Variants in MRAS observed in about 807,000 individuals in gnomAD.
The protein encoded by MRAS is ras-related protein M-Ras.
Under a neutral mutation model 20.9 loss-of-function variants are expected in MRAS, and 4 were observed. That is an observed-to-expected ratio of 0.19 (90% CI 0.09 to 0.44). The LOEUF is 0.44. Ranked by LOEUF, MRAS falls within the 20% of genes least tolerant of loss-of-function variation. The pLI, the probability that MRAS is intolerant of heterozygous loss-of-function variation, is 0.99. For missense variants in MRAS, 154 were observed against 277.5 expected, an observed-to-expected ratio of 0.56 and a Z score of 3.16; for synonymous variants, 98 against 102.9, an observed-to-expected ratio of 0.95 and a Z score of 0.29.
At position 138,397,430 on chromosome 3, in the gene MRAS, T is replaced by A. The variant is rs1453377231; in HGVS notation, c.300T>A (p.Phe100Leu). ...IVYSVTDKASFEHVDRFHQLI... is the reference protein window; with the variant it reads ...IVYSVTDKASLEHVDRFHQLI... ...ACTCCGTCACTGACAAGGCCAGCTT[T>A]GAGCACGTGGACCGCTTCCACCAGC... The change falls in exon 3 of 6, where the codon TTT becomes TTA. Residue 100 changes from phenylalanine (F) to leucine (L), a missense_variant. Phe to Leu is a conservative substitution (Grantham distance 22). Transcript: ENST00000423968. 5.6e-6 allele frequency: 9 copies of A among 1,614,028 alleles called. No individual in the cohort carries two copies. Among genetic ancestry groups the A allele is most frequent in the Non-Finnish European group, 6.8e-6 (8 of 1,180,022 alleles).
chr3:138,374,035 C>T (rs1374525299), intron 2 of MRAS, among the ~76,000 whole-genome samples: 11 of 151,904 alleles, frequency 7.2e-5, no homozygotes, highest in African/African-American at 1.7e-4. Context: ...CTCAGCTCAC[C>T]GCAACCTCCG....
At chr3:138,390,600 A>G (rs766880746) in intron 2 of MRAS, among the ~76,000 whole-genome samples, 1 of 151,818 alleles carries the variant, frequency 6.6e-6, no homozygotes, top group Non-Finnish European at 1.5e-5. Context: ...CATTATCTTC[A>G]GCCTCCCCCA....
intron 1 of MRAS, among the ~76,000 whole-genome samples, chr3:138,371,368 A>T (rs2054670647): frequency 6.6e-6 from 1 of 152,208 alleles, no homozygotes; most frequent in Non-Finnish European, 1.5e-5. Flanking sequence ...AGAACTGAAG[A>T]CTATTTTAGA....
chr3:138,385,149 ATTTGTAATTTTTTTTTTTTTTT>A (rs1328088514), intron 2 of MRAS, among the ~76,000 whole-genome samples: 1 of 127,426 alleles, frequency 7.8e-6, no homozygotes, highest in Non-Finnish European at 1.6e-5. Context: ...CGGGGTTTTG[ATTTGTAATTTTTTTTTTTTTTT>A]TTTTTTTTTT....
At chr3:138,371,173 A>C (rs1323833719) in intron 1 of MRAS, among the ~76,000 whole-genome samples, 1 of 152,210 alleles carries the variant, frequency 6.6e-6, no homozygotes, top group East Asian at 1.9e-4. Context: ...GCCTAGGCAG[A>C]TTTGCACTTT....
intron 1 of MRAS, among the ~76,000 whole-genome samples, chr3:138,355,802 G>A (rs1269138988): frequency 1.3e-5 from 2 of 152,184 alleles, no homozygotes; most frequent in African/African-American, 4.8e-5. Flanking sequence ...GTGGTGGTGT[G>A]TGCCTGTAGT....
chr3:138,368,269 A>AGT (rs761639487), intron 1 of MRAS, among the ~76,000 whole-genome samples: 19 of 151,364 alleles, frequency 1.3e-4, no homozygotes, highest in South Asian at 8.4e-4. Flanking sequence ...AATGAGAGAG[A>AGT]GTGTGTGTGT....
chr3:138,387,471 C>T (rs1006462979), intron 2 of MRAS, among the ~76,000 whole-genome samples: 1 of 152,210 alleles, frequency 6.6e-6, no homozygotes, highest in Admixed American at 6.5e-5. Flanking sequence ...GGCTTGGAAT[C>T]AGACGGGCAT....
chr3:138,393,611 C>T (rs1192340322), intron 2 of MRAS, among the ~76,000 whole-genome samples: 1 of 151,956 alleles, frequency 6.6e-6, no homozygotes, highest in East Asian at 1.9e-4. Context: ...TATCCTAGAT[C>T]TCTAGTTTCC....
intron 2 of MRAS, among the ~76,000 whole-genome samples, chr3:138,395,692 A>T (rs369805738): frequency 8.7e-4 from 133 of 152,224 alleles, no homozygotes; most frequent in African/African-American, 3.1e-3. Flanking sequence ...CTGTGTATCT[A>T]TCTCCACTAA....
At chr3:138,375,597 C>T (rs569672112) in intron 2 of MRAS, among the ~76,000 whole-genome samples, 118 of 152,308 alleles carry the variant, frequency 7.7e-4, no homozygotes, top group African/African-American at 2.7e-3. Flanking sequence ...ACAGCCTAGA[C>T]CTTCTGGGCT....
At chr3:138,364,989 A>C (rs922405547) in intron 1 of MRAS, among the ~76,000 whole-genome samples, 1 of 152,086 alleles carries the variant, frequency 6.6e-6, no homozygotes, top group African/African-American at 2.4e-5. Context: ...ACACATACTC[A>C]CCAGCCCCTA....
Position 138,397,319 on chromosome 3 carries a change from C to T in MRAS, c.194-5C>T, listed in dbSNP as rs753926542. The T allele has an allele frequency of 7.4e-6, 12 of 1,613,732 alleles. No individual in the cohort carries two copies. The highest frequency in any genetic ancestry group is 1.0e-5 in the Non-Finnish European group (12 of 1,179,910). On this transcript the variant is annotated splice_region_variant and splice_polypyrimidine_tract_variant and intron_variant, in intron 2 of 5. Coordinates refer to ENST00000423968, the MANE Select transcript of MRAS (RefSeq NM_001085049.3). ...CAGCCCCTGAGTGGCCTCATCCCACCCCAGTTCTGGACACAGCTGGGCAGG... is the reference window on the plus strand; with the variant it reads ...CAGCCCCTGAGTGGCCTCATCCCACTCCAGTTCTGGACACAGCTGGGCAGG...
intron 2 of MRAS, among the ~76,000 whole-genome samples, chr3:138,377,662 G>A (rs1405241612): frequency 6.6e-6 from 1 of 152,190 alleles, no homozygotes; most frequent in Non-Finnish European, 1.5e-5. Flanking sequence ...CTGAGGCCAT[G>A]CCATCTTCGG....
chr3:138,378,763 C>G (rs2054838062), intron 2 of MRAS, among the ~76,000 whole-genome samples: 1 of 152,198 alleles, frequency 6.6e-6, no homozygotes, highest in Admixed American at 6.5e-5. Context: ...TCTTAACCAT[C>G]TCTAAGTGCA....
In MRAS at chr3:138,362,697, C is replaced by T. The variant is rs145011212; in HGVS notation, c.-18-10169C>T. On this transcript the variant is annotated intron_variant, in intron 1 of 5. Transcript: ENST00000423968. ...CCTCCAGCACATGTGAGGCCCATCA[C>T]ACCCAACGCTCTCCCCTGCCTAGCC... Among the ~76,000 whole-genome samples the T allele has an allele frequency of 1.9e-3, 287 of 152,290 alleles. 1 individual carries two copies. Among genetic ancestry groups the T allele is most frequent in the Non-Finnish European group, 3.6e-3 (242 of 68,026 alleles).
rs921089805 is a variant in MRAS at position 138,384,930 on chromosome 3, G to A, written c.193+11854G>A. Reference sequence around the variant, plus strand: ...GGAGCCCAGCAGGATGAGGAACTGAGAAGCACCCATTGGATTTAGTGACAT... The same window carrying A: ...GGAGCCCAGCAGGATGAGGAACTGAAAAGCACCCATTGGATTTAGTGACAT... On this transcript the variant is annotated intron_variant, in intron 2 of 5. Coordinates refer to ENST00000423968, the MANE Select transcript of MRAS (RefSeq NM_001085049.3). 3.9e-5 allele frequency among the ~76,000 whole-genome samples: 6 copies of A among 152,330 alleles called. 1 individual carries two copies. Among genetic ancestry groups the A allele is most frequent in the Admixed American group, 3.9e-4 (6 of 15,304 alleles).
At chr3:138,359,174 T>A (rs1316779722) in intron 1 of MRAS, among the ~76,000 whole-genome samples, 1 of 152,074 alleles carries the variant, frequency 6.6e-6, no homozygotes, top group Non-Finnish European at 1.5e-5. Context: ...GCAGCAGTCA[T>A]TTAGGGCTTG....
intron 4 of MRAS, 49 bp downstream of exon 4, chr3:138,398,617 G>A (rs2108564028): frequency 1.9e-6 from 3 of 1,544,644 alleles, no homozygotes; most frequent in Non-Finnish European, 8.9e-7. Flanking sequence ...TGTAAAAGCT[G>A]TAGCCTGGTC....
Sources: gnomAD v4.1 joint callset for allele counts (sites outside exome capture counted in the v4.1 genomes callset) on GRCh38, gnomAD v4.1.1 for gene constraint, MANE v1.5 for transcripts, NCBI Gene and HGNC (gene_info 2026-07-23, HGNC 2026-07-21) for gene names.